The following SLC39A8 variants were observed in gnomAD, a reference collection of about 807,000 sequenced individuals.
SLC39A8 encodes metal cation symporter ZIP8.
A neutral mutation model predicts 40.4 loss-of-function variants in SLC39A8; 15 were observed. That is an observed-to-expected ratio of 0.37 (90% CI 0.25 to 0.57). The LOEUF (loss-of-function observed/expected upper bound fraction) is 0.57, where lower values mean the gene tolerates loss of function less well. SLC39A8 is among the 20% of genes least tolerant of loss of function. The probability of loss-of-function intolerance (pLI) is 0.75; values close to 1 mark genes in which losing one functional copy is unlikely to be tolerated. For synonymous variants in SLC39A8, 223 were observed against 221.6 expected, an observed-to-expected ratio of 1.01 and a Z score of -0.06; for missense variants, 472 against 558.8, an observed-to-expected ratio of 0.84 and a Z score of 1.57.
At chr4:102,285,237 T>C (rs1268064489) in intron 6 of SLC39A8, among the ~76,000 whole-genome samples, 2 of 152,192 alleles carry the variant, frequency 1.3e-5, no homozygotes, top group Non-Finnish European at 2.9e-5. Flanking sequence ...TCAAAACTTC[T>C]ATAATAATAC....
At position 102,267,644 on chromosome 4, in the gene SLC39A8, A is replaced by G; in HGVS notation, c.1079T>C (p.Met360Thr). The G allele has an allele frequency of 3.1e-6, 5 of 1,605,812 alleles. No individual in the cohort carries two copies. The highest frequency in any genetic ancestry group is 4.2e-6 in the Non-Finnish European group (5 of 1,177,720). Residue 360 changes from methionine (M) to threonine (T), a missense_variant, in exon 8 of 9, where the codon ATG (methionine) becomes ACG (threonine). This residue lies in a region of SLC39A8 where 239 missense variants were observed against 317.9 expected (regional missense o/e 0.75). Coordinates refer to ENST00000356736, the MANE Select transcript of SLC39A8 (RefSeq NM_001135146.2). ...GDFVILLNAG[M>T]STRQALLFNF... is the part of the protein sequence containing the mutation. ...GAATAGCAAGGCTTGTCGAGTGCTC[A>G]TCCCTGCATTGAGTAGGATCACAAA...
chr4:102,319,810 G>C (rs1445970472), intron 2 of SLC39A8, among the ~76,000 whole-genome samples: 3 of 152,004 alleles, frequency 2.0e-5, no homozygotes, highest in Admixed American at 6.6e-5. Context: ...TTACTTCTGA[G>C]GTGTCTGCAG....
At chr4:102,276,691 A>G (rs1459374930) in intron 6 of SLC39A8, among the ~76,000 whole-genome samples, 1 of 152,204 alleles carries the variant, frequency 6.6e-6, no homozygotes, top group East Asian at 1.9e-4. Context: ...ACAAAAAAAG[A>G]AAATTTCAGC....
chr4:102,260,670 T>G (rs1014814922), downstream of SLC39A8, among the ~76,000 whole-genome samples: 69 of 152,234 alleles, frequency 4.5e-4, 1 homozygote, highest in Admixed American at 4.4e-3. Flanking sequence ...ACTTGTTTTA[T>G]AAGAAGGAAA....
At chr4:102,261,417 G>A (rs1362646905), downstream of SLC39A8, among the ~76,000 whole-genome samples, 1 of 152,196 alleles carries the variant, frequency 6.6e-6, no homozygotes, top group Non-Finnish European at 1.5e-5. Context: ...ATGTGGTAAA[G>A]CGAAACAGTC....
At chr4:102,303,491 A>G (rs982177027) in intron 6 of SLC39A8, among the ~76,000 whole-genome samples, 1 of 152,000 alleles carries the variant, frequency 6.6e-6, no homozygotes, top group Non-Finnish European at 1.5e-5. Context: ...TTATAAGACA[A>G]ACCTCAGGAA....
intron 2 of SLC39A8, among the ~76,000 whole-genome samples, chr4:102,320,122 C>T (rs1394291946): frequency 6.9e-6 from 1 of 145,498 alleles, no homozygotes; most frequent in African/African-American, 2.6e-5. Flanking sequence ...TTCTCAGCCT[C>T]CACAATCACA....
chr4:102,320,849 T>C (rs1734935844), intron 2 of SLC39A8, among the ~76,000 whole-genome samples: 1 of 150,612 alleles, frequency 6.6e-6, no homozygotes, highest in African/African-American at 2.4e-5. Flanking sequence ...ATACCCCTAT[T>C]GCAATGTTTC....
At chr4:102,319,222 T>C (rs891673319) in intron 2 of SLC39A8, among the ~76,000 whole-genome samples, 1 of 152,222 alleles carries the variant, frequency 6.6e-6, no homozygotes, top group African/African-American at 2.4e-5. Flanking sequence ...GCCTCTTTCC[T>C]AAACATGTCC....
Position 102,344,796 on chromosome 4 carries a change from A to T in SLC39A8, c.-134T>A. ...TGCTCCGAGTCAGAGGTGGCGCGGG[A>T]CGCCCCTGGTTCTCCGACGCCTTCG... On this transcript the variant is annotated 5_prime_UTR_variant, in exon 2 of 9. Transcript: ENST00000356736. 5 of 1,322,110 alleles carry T rather than the reference A, an allele frequency of 3.8e-6. No homozygotes were observed. The highest frequency in any genetic ancestry group is 4.8e-6 in the Non-Finnish European group (5 of 1,040,784). 81.9% of individuals were successfully genotyped at this position (1,322,110 alleles called of 1,614,324 possible).
chr4:102,266,790 T>C (rs1023702554), intron 8 of SLC39A8, among the ~76,000 whole-genome samples: 13 of 152,004 alleles, frequency 8.6e-5, no homozygotes, highest in African/African-American at 3.1e-4. Flanking sequence ...GTAGTTTCAG[T>C]AGAGACAGGG....
chr4:102,322,983 C>T (rs1735027722), intron 2 of SLC39A8, among the ~76,000 whole-genome samples: 1 of 152,198 alleles, frequency 6.6e-6, no homozygotes, highest in African/African-American at 2.4e-5. Flanking sequence ...CGCTGCCCTG[C>T]CAGTGATTGC....
intron 2 of SLC39A8, among the ~76,000 whole-genome samples, chr4:102,329,148 C>G (rs1735341783): frequency 6.6e-6 from 1 of 152,010 alleles, no homozygotes; most frequent in African/African-American, 2.4e-5. Flanking sequence ...ACTGTCAAAG[C>G]CTTCCTGGAG....
At chr4:102,344,135 A>G (rs563992434) in intron 2 of SLC39A8, among the ~76,000 whole-genome samples, 1 of 152,318 alleles carries the variant, frequency 6.6e-6, no homozygotes, top group African/African-American at 2.4e-5. Context: ...AGCATCTGTT[A>G]AAGTGGCGTC....
intron 2 of SLC39A8, among the ~76,000 whole-genome samples, chr4:102,335,627 C>G (rs1221290097): frequency 6.6e-6 from 1 of 152,126 alleles, no homozygotes; most frequent in East Asian, 1.9e-4. Flanking sequence ...TAAAATAAAG[C>G]CAACTTCTAA....
intron 2 of SLC39A8, among the ~76,000 whole-genome samples, chr4:102,327,955 T>TAATAA (rs1735289881): frequency 6.6e-6 from 1 of 152,216 alleles, no homozygotes; most frequent in South Asian, 2.1e-4. Flanking sequence ...GCCCTGATGC[T>TAATAA]ACAAATAAAC....
intron 6 of SLC39A8, among the ~76,000 whole-genome samples, chr4:102,284,092 T>TA (rs1407967898): frequency 6.6e-6 from 1 of 152,248 alleles, no homozygotes; most frequent in Non-Finnish European, 1.5e-5. Flanking sequence ...CAGGACATTT[T>TA]AAAATTTATT....
rs934496077 is a variant in SLC39A8, at chr4:102,261,802, G to A, written c.*1242C>T. ...GCTACATGAAAACATTTTTTGGTCT[G>A]TTGGAAAATGTAATTCCTGAGATCA... On this transcript the variant is annotated 3_prime_UTR_variant, in exon 9 of 9. Coordinates refer to ENST00000356736, the MANE Select transcript of SLC39A8 (RefSeq NM_001135146.2). 50 of 985,790 alleles carry A rather than the reference G, an allele frequency of 5.1e-5. No individual in the cohort carries two copies. Among genetic ancestry groups the A allele is most frequent in the Non-Finnish European group, 4.8e-5 (40 of 829,920 alleles). The allele number at this position is 985,790 out of a possible 1,614,324, so 61.1% of individuals were successfully genotyped here. A position where few individuals can be genotyped will look rare whatever the true frequency, so the allele number is the denominator to read the frequency against.
intron 6 of SLC39A8, among the ~76,000 whole-genome samples, chr4:102,289,750 T>C (rs2149023253): frequency 6.6e-6 from 1 of 152,224 alleles, no homozygotes; most frequent in East Asian, 1.9e-4. Flanking sequence ...AAGTTAAGCT[T>C]GAAGATGGAA....
Sources: gnomAD v4.1 joint callset for allele counts (sites outside exome capture counted in the v4.1 genomes callset) on GRCh38, gnomAD v4.1.1 for gene constraint, gnomAD v4.1.1 regional missense constraint, MANE v1.5 for transcripts, NCBI Gene and HGNC (gene_info 2026-07-23, HGNC 2026-07-21) for gene names.